NUP107: variants seen among roughly 807,000 people sequenced by gnomAD.
NUP107 encodes the protein nucleoporin 107, also known as nuclear pore complex protein Nup107.
NUP107 carries 101 observed loss-of-function variants against 141.0 expected under a neutral mutation model. The observed-to-expected ratio is 0.72, with a 90% confidence interval of 0.61 to 0.84. NUP107 has a LOEUF of 0.84. NUP107 is among the 40% of genes least tolerant of loss of function. The pLI, the probability that NUP107 is intolerant of heterozygous loss-of-function variation, is 0.00. For synonymous variants in NUP107, 319 were observed against 363.9 expected (o/e 0.88, Z 1.41); for missense variants, 941 against 1,102.7 (o/e 0.85, Z 2.08).
intron 12 of NUP107, among the ~76,000 whole-genome samples, chr12:68,717,505 A>G (rs1027775416): frequency 5.9e-5 from 7 of 119,406 alleles, no homozygotes; most frequent in Non-Finnish European, 1.1e-4. Flanking sequence ...TATAATATAT[A>G]TTATTATATT....
intron 12 of NUP107, among the ~76,000 whole-genome samples, chr12:68,716,241 C>CTTTTTTTT (rs370681977): frequency 1.7e-5 from 2 of 116,732 alleles, no homozygotes; most frequent in South Asian, 3.1e-4. Flanking sequence ...TTCTTTCTTT[C>CTTTTTTTT]TTTCTTTTTT....
chr12:68,687,187 C>T (rs1260946105), intron 1 of NUP107, 114 bp downstream of exon 1: 9 of 1,401,490 alleles, frequency 6.4e-6, no homozygotes, highest in Admixed American at 4.0e-5. Flanking sequence ...CGGGTGCTTC[C>T]CCTAAGGCTC....
chr12:68,732,831 C>A, intron 23 of NUP107, 92 bp downstream of exon 23: 3 of 734,528 alleles, frequency 4.1e-6, no homozygotes, highest in Non-Finnish European at 6.5e-6. Flanking sequence ...AGGCACCCAC[C>A]ACCACACCCA....
At chr12:68,727,917 C>T (rs34013954) in intron 20 of NUP107, among the ~76,000 whole-genome samples, 5,197 of 152,134 alleles carry the variant, frequency 0.034, 131 homozygotes, top group African/African-American at 0.06. Context: ...AGTTCAATCC[C>T]GTGTTGTTCA....
intron 3 of NUP107, 36 bp downstream of exon 3, chr12:68,689,655 C>A: frequency 7.8e-7 from 1 of 1,287,994 alleles, no homozygotes; most frequent in Non-Finnish European, 1.1e-6. Flanking sequence ...TTAATAATAA[C>A]GGTAATTATA....
At chr12:68,710,613 C>A (rs1876800987) in intron 10 of NUP107, among the ~76,000 whole-genome samples, 1 of 143,770 alleles carries the variant, frequency 7.0e-6, no homozygotes, top group Non-Finnish European at 1.5e-5. Context: ...CGAGTTCATG[C>A]CATTGCACTC....
intron 25 of NUP107, 148 bp from the exon 26 acceptor site, chr12:68,735,083 G>A: frequency 1.4e-6 from 1 of 697,906 alleles, no homozygotes; most frequent in Non-Finnish European, 2.4e-6. Flanking sequence ...CTTAACTGCA[G>A]TCTGTTGATA....
chr12:68,722,195 C>A, intron 17 of NUP107, 43 bp downstream of exon 17: 1 of 1,535,444 alleles, frequency 6.5e-7, no homozygotes, highest in Non-Finnish European at 9.0e-7. Flanking sequence ...GAATAGGAAA[C>A]AGTGTTATTC....
At chr12:68,732,161 A>G (rs1371531820) in intron 22 of NUP107, among the ~76,000 whole-genome samples, 1 of 152,174 alleles carries the variant, frequency 6.6e-6, no homozygotes, top group East Asian at 1.9e-4. Context: ...TTGAGACAAC[A>G]AGGTCTAGCT....
At chr12:68,732,447 A>G (rs904824050) in intron 22 of NUP107, 190 bp from the exon 23 acceptor site, 11 of 439,400 alleles carry the variant, frequency 2.5e-5, no homozygotes, top group African/African-American at 1.8e-4. Context: ...TATTTTCTAT[A>G]ATTTAATAGA....
intron 5 of NUP107, among the ~76,000 whole-genome samples, chr12:68,694,991 A>C (rs1466472972): frequency 1.3e-5 from 2 of 152,224 alleles, no homozygotes; most frequent in African/African-American, 4.8e-5. Context: ...AAATATACTC[A>C]AATGTCACTA....
rs189773860 is a variant in NUP107, at chr12:68,741,024, C to T, written c.2503-789C>T. On this transcript the variant is annotated intron_variant, in intron 26 of 27. Transcript: ENST00000229179. ...TTGTACCACTGCATTCCAGACTGGG[C>T]GACAGAGTGAGATGCTGTCTCAGAA... 4.4e-3 allele frequency among the ~76,000 whole-genome samples: 651 copies of T among 147,986 alleles called. 6 individuals are homozygous for T. The highest frequency in any genetic ancestry group is 0.014 in the African/African-American group (556 of 39,964).
chr12:68,706,976 T>C, intron 8 of NUP107: 2 of 643,014 alleles, frequency 3.1e-6, no homozygotes, highest in South Asian at 3.5e-5. Flanking sequence ...CTCCAGTTCC[T>C]TCAGCTGCAC....
Position 68,690,638 on chromosome 12 carries a change from A to G in NUP107, c.195A>G (p.Pro65=), listed in dbSNP as rs774531077. 9.9e-6 allele frequency: 16 copies of G among 1,614,000 alleles called. No individual in the cohort carries two copies. Among genetic ancestry groups the G allele is most frequent in the Non-Finnish European group, 1.4e-5 (16 of 1,180,008 alleles). ...CCAACCTTTTGTTTATAGTTACCCC[A>G]ACAAGCCGAAGCTTACTAAGGCAGC... The part of the protein sequence containing the change: ...TPSSFRQPFT[P]TSRSLLRQPD... Residue 65 remains proline (P), a synonymous_variant, in exon 4 of 28, where the codon CCA becomes CCG. Transcript: ENST00000229179.
At chr12:68,719,303 C>G in intron 12 of NUP107, 38 bp from the exon 13 acceptor site, 1 of 1,498,290 alleles carries the variant, frequency 6.7e-7, no homozygotes, top group Non-Finnish European at 9.3e-7. Context: ...ATAAAGCACC[C>G]TGGTTATTGG....
chr12:68,719,855 G>A (rs1877282295), intron 14 of NUP107, among the ~76,000 whole-genome samples: 1 of 152,176 alleles, frequency 6.6e-6, no homozygotes, highest in African/African-American at 2.4e-5. Context: ...AGGCAGAAAA[G>A]TAAAGGAGGT....
chr12:68,712,877 T>A (rs772727700), intron 10 of NUP107, among the ~76,000 whole-genome samples: 11 of 151,972 alleles, frequency 7.2e-5, no homozygotes, highest in Non-Finnish European at 1.3e-4. Flanking sequence ...CCTTGATGGC[T>A]CCCTCACTCC....
rs148792586 is a variant in NUP107 at position 68,737,774 on chromosome 12, T to C, written c.2502+2430T>C. Among the ~76,000 whole-genome samples the C allele has an allele frequency of 1.7e-3, 253 of 152,326 alleles. 1 individual carries two copies. Among genetic ancestry groups the C allele is most frequent in the African/African-American group, 5.8e-3 (242 of 41,568 alleles). ...TAATCACCTTTGTTGAGCCTAATAC[T>C]CTTACATAGTCAATGACGTAGGGCA... On this transcript the variant is annotated intron_variant, in intron 26 of 27. Transcript: ENST00000229179.
chr12:68,687,626 CTG>C (rs2135992727), intron 1 of NUP107: 1 of 985,762 alleles, frequency 1.0e-6, no homozygotes, highest in South Asian at 4.7e-5. Context: ...CTCCTTGTCA[CTG>C]TAACTATCAG....
Sources: allele counts gnomAD v4.1 joint callset (sites outside exome capture counted in the v4.1 genomes callset), GRCh38; gene constraint gnomAD v4.1.1; transcripts MANE v1.5; gene names NCBI Gene and HGNC (gene_info 2026-07-23, HGNC 2026-07-21).